Variants in HDAC9 observed in about 807,000 individuals in gnomAD.
HDAC9 encodes the protein histone deacetylase 9, also known as MEF-2 interacting transcription repressor (MITR) protein.
A neutral mutation model predicts 139.4 loss-of-function variants in HDAC9; 41 were observed. The observed-to-expected ratio is 0.29, with a 90% CI of 0.23 to 0.38. HDAC9 has a LOEUF of 0.38. Among genes scored for constraint, HDAC9 ranks in the 10% least tolerant of loss-of-function variants. HDAC9 has a pLI of 1.00. For synonymous variants in HDAC9, 517 were observed against 476.2 expected (o/e 1.09, Z -1.12); for missense variants, 1,147 against 1,297.0 (o/e 0.88, Z 1.78).
intron 17 of HDAC9, among the ~76,000 whole-genome samples, chr7:18,805,079 G>A (rs1793597893): frequency 6.6e-6 from 1 of 152,202 alleles, no homozygotes; most frequent in African/African-American, 2.4e-5. Context: ...TTACAGGCAT[G>A]AGCCCCTGCG....
At chr7:18,179,245 C>G (rs993347276) in intron 2 of HDAC9, among the ~76,000 whole-genome samples, 1 of 152,186 alleles carries the variant, frequency 6.6e-6, no homozygotes, top group Non-Finnish European at 1.5e-5. Context: ...CTGACTGATG[C>G]AATAGTCCAG....
intron 2 of HDAC9, among the ~76,000 whole-genome samples, chr7:18,213,850 A>G (rs1255782292): frequency 6.6e-6 from 1 of 152,148 alleles, no homozygotes; most frequent in Non-Finnish European, 1.5e-5. Flanking sequence ...ATCATGTAAC[A>G]GACTGTGAAG....
At chr7:18,173,592 G>T (rs1255331865) in intron 2 of HDAC9, among the ~76,000 whole-genome samples, 2 of 152,114 alleles carry the variant, frequency 1.3e-5, no homozygotes, top group African/African-American at 4.8e-5. Flanking sequence ...GGCTGGTACC[G>T]GTTTTTCCTT....
At chr7:18,730,751 G>A (rs1274153880) in intron 13 of HDAC9, among the ~76,000 whole-genome samples, 2 of 152,160 alleles carry the variant, frequency 1.3e-5, no homozygotes, top group African/African-American at 4.8e-5. Flanking sequence ...CAACTTCAGG[G>A]ATAGAAGATT....
chr7:18,496,730 A>AT (rs1354385076), intron 2 of HDAC9: 2 of 160,952 alleles, frequency 1.2e-5, no homozygotes, highest in Non-Finnish European at 2.7e-5. Context: ...TAGCCTGACG[A>AT]TTTTATATTT....
intron 22 of HDAC9, among the ~76,000 whole-genome samples, chr7:18,878,970 G>A (rs1799526698): frequency 1.3e-5 from 2 of 152,234 alleles, no homozygotes; most frequent in East Asian, 3.9e-4. Flanking sequence ...GTTTCAAGAT[G>A]CAAAATTAAT....
chr7:18,261,942 G>T (rs1262078711), intron 2 of HDAC9, among the ~76,000 whole-genome samples: 1 of 152,078 alleles, frequency 6.6e-6, no homozygotes, highest in Non-Finnish European at 1.5e-5. Context: ...GTGCAATCTG[G>T]CAAAAAATGT....
chr7:18,679,664 C>T (rs1048994030), intron 12 of HDAC9, among the ~76,000 whole-genome samples: 1 of 150,238 alleles, frequency 6.7e-6, no homozygotes, highest in Non-Finnish European at 1.5e-5. Context: ...TTTATTAGAC[C>T]GTGTTCTGTT....
chr7:18,352,359 C>A (rs1782915723), intron 1 of HDAC9, among the ~76,000 whole-genome samples: 1 of 152,092 alleles, frequency 6.6e-6, no homozygotes, highest in Non-Finnish European at 1.5e-5. Context: ...TAGAGGGAAA[C>A]AGTAGGTTGC....
chr7:18,434,826 G>T (rs528594068), intron 1 of HDAC9, among the ~76,000 whole-genome samples: 9 of 152,180 alleles, frequency 5.9e-5, no homozygotes, highest in South Asian at 2.1e-4. Context: ...GTCAAAAGCA[G>T]TTTGGTGATT....
intron 1 of HDAC9, among the ~76,000 whole-genome samples, chr7:18,461,388 A>C (rs1793834355): frequency 6.6e-6 from 1 of 152,172 alleles, no homozygotes; most frequent in Non-Finnish European, 1.5e-5. Context: ...TTTATTGTAA[A>C]ATTGAATGAT....
intron 1 of HDAC9, among the ~76,000 whole-genome samples, chr7:18,158,937 C>G (rs1364573460): frequency 6.6e-6 from 1 of 152,176 alleles, no homozygotes; most frequent in Non-Finnish European, 1.5e-5. Context: ...TAGTAACGTA[C>G]TTTCAGAGAG....
chr7:18,906,676 G>C (rs1418099161), intron 22 of HDAC9, among the ~76,000 whole-genome samples: 1 of 152,164 alleles, frequency 6.6e-6, no homozygotes, highest in African/African-American at 2.4e-5. Flanking sequence ...AAAATATACA[G>C]CAGTGACTCT....
rs529226102 is a variant in HDAC9, at chr7:18,734,041, C to T, written c.1909+6284C>T. Reference sequence around the variant, plus strand: ...AATATCCTCAATTAGTCCTATTTCACGTATACCTTGTTTTATTACATTTTA... The same window carrying T: ...AATATCCTCAATTAGTCCTATTTCATGTATACCTTGTTTTATTACATTTTA... On this transcript the variant is annotated intron_variant, in intron 13 of 25. Transcript: ENST00000686413. 3.9e-5 allele frequency among the ~76,000 whole-genome samples: 6 copies of T among 152,184 alleles called. No individual in the cohort carries two copies. The South Asian group carries it at 1.0e-3, about 26-fold the overall frequency.
chr7:18,729,657 A>G (rs1314757994), intron 13 of HDAC9, among the ~76,000 whole-genome samples: 1 of 146,798 alleles, frequency 6.8e-6, no homozygotes, highest in Non-Finnish European at 1.5e-5. Context: ...AACAAAGACT[A>G]GGTCATTTCA....
At chr7:18,332,390 TGTGAGA>T (rs779304010) in intron 1 of HDAC9, among the ~76,000 whole-genome samples, 59 of 120,252 alleles carry the variant, frequency 4.9e-4, no homozygotes, top group South Asian at 1.6e-3. Flanking sequence ...TGTGTGTGTG[TGTGAGA>T]GAGAGAGAGA....
intron 1 of HDAC9, among the ~76,000 whole-genome samples, chr7:18,303,413 GTGTGTGTGTGTT>G (rs1316225822): frequency 0.015 from 1,893 of 123,196 alleles, 37 homozygotes; most frequent in Middle Eastern, 0.041. Flanking sequence ...GTGTGTGTGT[GTGTGTGTGTGTT>G]TTTAGTAGAG....
At chr7:18,364,673 C>G (rs1328853536) in intron 1 of HDAC9, among the ~76,000 whole-genome samples, 1 of 152,020 alleles carries the variant, frequency 6.6e-6, no homozygotes, top group Non-Finnish European at 1.5e-5. Context: ...CCAGGAGATT[C>G]ATTTTAAAGC....
intron 1 of HDAC9, among the ~76,000 whole-genome samples, chr7:18,308,192 C>T (rs1056361907): frequency 7.9e-5 from 12 of 152,118 alleles, no homozygotes; most frequent in Non-Finnish European, 1.5e-4. Flanking sequence ...AAGACTTCAT[C>T]CAATTTACGA....
Sources: allele counts gnomAD v4.1 joint callset (sites outside exome capture counted in the v4.1 genomes callset), GRCh38; gene constraint gnomAD v4.1.1; transcripts MANE v1.5; gene names NCBI Gene and HGNC (gene_info 2026-07-23, HGNC 2026-07-21).